EXOC6B: variants seen among roughly 807,000 people sequenced by gnomAD.
EXOC6B encodes SEC15 homolog B.
In EXOC6B, 54 loss-of-function variants were observed where a neutral mutation model predicts 113.5. That is an observed-to-expected ratio of 0.48 (90% CI 0.38 to 0.60). EXOC6B has a LOEUF of 0.60. Ranked by LOEUF, EXOC6B falls within the 20% of genes least tolerant of loss-of-function variation. The pLI, the probability that EXOC6B is intolerant of heterozygous loss-of-function variation, is 0.00. For missense variants in EXOC6B, 797 were observed against 977.5 expected (o/e 0.82, Z 2.46); for synonymous variants, 357 against 339.0 (o/e 1.05, Z -0.58).
chr2:72,480,595 AGTACT>A lies in EXOC6B; in HGVS notation c.1800+16_1800+20del, dbSNP rs1438421266. 6.4e-7 allele frequency: 1 copy of A among 1,563,482 alleles called. No individual in the cohort carries two copies. The highest frequency in any genetic ancestry group is 8.7e-7 in the Non-Finnish European group (1 of 1,152,786). On this transcript the variant is annotated intron_variant, in intron 17 of 21. Transcript: ENST00000272427. ...CTGTGTACACCAGAAGCAGTTCCAC[AGTACT>A]GTAGGGCCCTCTCACCTTAAAAGTT...
At chr2:72,656,497 T>C (rs914519330) in intron 6 of EXOC6B, among the ~76,000 whole-genome samples, 10 of 151,940 alleles carry the variant, frequency 6.6e-5, no homozygotes, top group Non-Finnish European at 1.2e-4. Context: ...AAAAAGGTAA[T>C]TCACAAAAAA....
intron 18 of EXOC6B, among the ~76,000 whole-genome samples, chr2:72,437,275 G>A (rs1020824008): frequency 6.6e-6 from 1 of 152,200 alleles, no homozygotes; most frequent in Non-Finnish European, 1.5e-5. Context: ...TGGAAGCTTT[G>A]TCCCAGAGGG....
chr2:72,372,542 A>G (rs1043574595), intron 19 of EXOC6B, among the ~76,000 whole-genome samples: 1 of 152,178 alleles, frequency 6.6e-6, no homozygotes, highest in Non-Finnish European at 1.5e-5. Context: ...CCTTTTAGAG[A>G]AAGGTGTCAA....
Position 72,626,312 on chromosome 2 carries a change from T to C in EXOC6B, c.670-50644A>G, listed in dbSNP as rs191090218. Among the ~76,000 whole-genome samples the C allele has an allele frequency of 6.3e-3, 956 of 152,256 alleles. 6 individuals are homozygous for C. Among genetic ancestry groups the C allele is most frequent in the Non-Finnish European group, 0.01 (706 of 67,994 alleles). On this transcript the variant is annotated intron_variant, in intron 6 of 21. Coordinates refer to ENST00000272427, the MANE Select transcript of EXOC6B (RefSeq NM_015189.3). ...ACAAGATTTCAGCAACTCCTAATTG[T>C]ATTTGGAGTTCATCTGAAAATAATA...
rs192905727 is a variant in EXOC6B, at chr2:72,565,116, C to T, written c.847-5595G>A. Among the ~76,000 whole-genome samples the T allele has an allele frequency of 4.1e-3, 622 of 152,044 alleles. 2 individuals carry two copies. Among genetic ancestry groups the T allele is most frequent in the Non-Finnish European group, 6.7e-3 (452 of 67,960 alleles). The stretch of plus-strand genomic sequence containing the variant: ...CTGTAATCCCAGCACTTTGGGAGGC[C>T]GAAGCAGGTGGATCGCTTGAGCCCA... On this transcript the variant is annotated intron_variant, in intron 7 of 21. Coordinates refer to ENST00000272427, the MANE Select transcript of EXOC6B (RefSeq NM_015189.3).
At chr2:72,580,722 C>A (rs1705170223) in intron 6 of EXOC6B, among the ~76,000 whole-genome samples, 1 of 152,166 alleles carries the variant, frequency 6.6e-6, no homozygotes, top group South Asian at 2.1e-4. Context: ...ACTTACAGTA[C>A]ACTTCTTGCT....
chr2:72,643,743 C>T (rs1254850926), intron 6 of EXOC6B, among the ~76,000 whole-genome samples: 1 of 145,676 alleles, frequency 6.9e-6, no homozygotes, highest in African/African-American at 2.6e-5. Flanking sequence ...TGCACATGTA[C>T]CCTAAAACTT....
intron 19 of EXOC6B, among the ~76,000 whole-genome samples, chr2:72,336,876 A>T (rs1394643780): frequency 6.6e-6 from 1 of 151,984 alleles, no homozygotes; most frequent in Non-Finnish European, 1.5e-5. Context: ...GCATGGTGAC[A>T]CATGCCTGTA....
chr2:72,471,002 A>C (rs1242019284), intron 17 of EXOC6B, among the ~76,000 whole-genome samples: 1 of 152,198 alleles, frequency 6.6e-6, no homozygotes, highest in African/African-American at 2.4e-5. Context: ...TGGCTGGGTC[A>C]AATGGTATTT....
At chr2:72,267,299 T>C (rs574605907) in intron 20 of EXOC6B, among the ~76,000 whole-genome samples, 1 of 152,334 alleles carries the variant, frequency 6.6e-6, no homozygotes, top group South Asian at 2.1e-4. Context: ...CTATGTTGAA[T>C]AGGAGTGGTG....
intron 20 of EXOC6B, among the ~76,000 whole-genome samples, chr2:72,224,994 G>GTGTGTGTGTATATATATATATA (rs908047817): frequency 7.3e-6 from 1 of 137,256 alleles, no homozygotes; most frequent in Non-Finnish European, 1.6e-5. Flanking sequence ...GTGTGTGTGT[G>GTGTGTGTGTATATATATATATA]TATATATATA....
chr2:72,691,823 G>A (rs982367382), intron 6 of EXOC6B, among the ~76,000 whole-genome samples: 3 of 150,694 alleles, frequency 2.0e-5, no homozygotes, highest in Admixed American at 6.6e-5. Context: ...CTGGGATTAC[G>A]GGTGCCCACC....
At chr2:72,546,162 A>C (rs990949983) in intron 8 of EXOC6B, among the ~76,000 whole-genome samples, 1 of 152,178 alleles carries the variant, frequency 6.6e-6, no homozygotes, top group African/African-American at 2.4e-5. Flanking sequence ...CTATAAAGAG[A>C]TTATGGCCAG....
chr2:72,773,352 A>T (rs182853200), intron 1 of EXOC6B, among the ~76,000 whole-genome samples: 1 of 149,490 alleles, frequency 6.7e-6, no homozygotes. Context: ...TTGGTCAGGA[A>T]CTCCTGGGCT....
chr2:72,229,083 C>T (rs1035310824), intron 20 of EXOC6B, among the ~76,000 whole-genome samples: 4 of 152,128 alleles, frequency 2.6e-5, no homozygotes, highest in African/African-American at 9.7e-5. Context: ...AGTGTCTGTT[C>T]ATATCCTTCA....
intron 6 of EXOC6B, among the ~76,000 whole-genome samples, chr2:72,632,279 C>T (rs1672523022): frequency 6.6e-6 from 1 of 152,046 alleles, no homozygotes; most frequent in Admixed American, 6.5e-5. Context: ...TTTTAAAAGA[C>T]TGAAGAAAAG....
intron 18 of EXOC6B, among the ~76,000 whole-genome samples, chr2:72,404,839 T>G (rs1693613787): frequency 6.6e-6 from 1 of 151,908 alleles, no homozygotes; most frequent in African/African-American, 2.4e-5. Flanking sequence ...TCACCAGCAA[T>G]GGAACAATGC....
intron 20 of EXOC6B, among the ~76,000 whole-genome samples, chr2:72,264,432 G>C (rs183594179): frequency 6.6e-6 from 1 of 152,078 alleles, no homozygotes; most frequent in Non-Finnish European, 1.5e-5. Context: ...TTAGCCAGGC[G>C]TGATGGCAGG....
intron 8 of EXOC6B, among the ~76,000 whole-genome samples, chr2:72,528,989 C>T (rs1229967693): frequency 6.6e-6 from 1 of 152,060 alleles, no homozygotes; most frequent in Non-Finnish European, 1.5e-5. Context: ...AGGTTATTTG[C>T]AAATAACACA....
Sources: gnomAD v4.1 joint callset for allele counts (sites outside exome capture counted in the v4.1 genomes callset) on GRCh38, gnomAD v4.1.1 for gene constraint, MANE v1.5 for transcripts, NCBI Gene and HGNC (gene_info 2026-07-23, HGNC 2026-07-21) for gene names.